Variants in LOC400499 observed in about 807,000 individuals in gnomAD.
At chr16:11,399,338 CA>C in the LOC400499 span, 1 of 1,013,082 alleles carries the variant, frequency 9.9e-7, no homozygotes, top group African/African-American at 1.7e-5. Context: ...CTAAGGCTCA[CA>C]GCAGAGAAGT....
chr16:11,415,578 C>A, the LOC400499 span, among the ~76,000 whole-genome samples: 1 of 152,212 alleles, frequency 6.6e-6, no homozygotes, highest in East Asian at 1.9e-4. Flanking sequence ...CATTCAGCCA[C>A]ATGTACCTAC....
At chr16:11,486,461 A>G in the LOC400499 span, among the ~76,000 whole-genome samples, 3 of 137,348 alleles carry the variant, frequency 2.2e-5, no homozygotes, top group Non-Finnish European at 4.6e-5. Flanking sequence ...GTACATGGGT[A>G]GACAGATGAT....
At chr16:11,477,907 G>A in the LOC400499 span, 5 of 398,908 alleles carry the variant, frequency 1.3e-5, no homozygotes, top group Non-Finnish European at 2.2e-5. Context: ...TGGCAGCCGA[G>A]GCATTTAGGG....
chr16:11,471,654 C>T, the LOC400499 span: 1 of 399,114 alleles, frequency 2.5e-6, no homozygotes. Flanking sequence ...TAGGGCCCAC[C>T]TGGGGCTGCA....
chr16:11,519,583 TAAATAA>T, the LOC400499 span, among the ~76,000 whole-genome samples: 1 of 151,958 alleles, frequency 6.6e-6, no homozygotes, highest in African/African-American at 2.4e-5. Context: ...TTTTTTAAAA[TAAATAA>T]ACAATAATTT....
At chr16:11,448,735 A>T in the LOC400499 span, among the ~76,000 whole-genome samples, 2 of 152,136 alleles carry the variant, frequency 1.3e-5, no homozygotes, top group African/African-American at 4.8e-5. Context: ...AAAATATATA[A>T]GAAAAGAAGG....
chr16:11,426,819 A>G, the LOC400499 span, among the ~76,000 whole-genome samples: 1 of 145,708 alleles, frequency 6.9e-6, no homozygotes, highest in Non-Finnish European at 1.5e-5. Context: ...GCTACTTGGG[A>G]GGCTAAGGCA....
the LOC400499 span, chr16:11,448,862 A>C: frequency 7.5e-7 from 1 of 1,326,256 alleles, no homozygotes; most frequent in East Asian, 2.6e-5. Flanking sequence ...GAGAGGTAGG[A>C]AACCGAGGTG....
chr16:11,384,269 A>ACAT, the LOC400499 span: 1 of 1,232,360 alleles, frequency 8.1e-7, no homozygotes, highest in Non-Finnish European at 1.0e-6. Context: ...CCATCCGGCA[A>ACAT]CATCAGCTCA....
the LOC400499 span, among the ~76,000 whole-genome samples, chr16:11,503,398 A>G: frequency 0.057 from 8,693 of 152,226 alleles, 353 homozygotes; most frequent in Non-Finnish European, 0.088. Flanking sequence ...GTACCCCTGA[A>G]GTCTCAGGCT....
At chr16:11,471,808 G>A in the LOC400499 span, 2 of 399,104 alleles carry the variant, frequency 5.0e-6, no homozygotes, top group Admixed American at 8.8e-5. Context: ...CCAGCCCCAG[G>A]TGTAGGACAC....
At chr16:11,400,135 T>C in the LOC400499 span, among the ~76,000 whole-genome samples, 528 of 151,432 alleles carry the variant, frequency 3.5e-3, 1 homozygote, top group African/African-American at 0.012. Context: ...TGCTCCTCAC[T>C]GGGGCCTCCA....
chr16:11,404,579 T>G, the LOC400499 span: 1 of 394,612 alleles, frequency 2.5e-6, no homozygotes, highest in Non-Finnish European at 4.5e-6. Context: ...ACTCCTGACC[T>G]CGAGTGATCT....
the LOC400499 span, among the ~76,000 whole-genome samples, chr16:11,446,137 T>TACC: frequency 6.6e-6 from 1 of 150,944 alleles, no homozygotes; most frequent in South Asian, 2.1e-4. Context: ...GAGAACTTTT[T>TACC]TGTGTGTGAG....
chr16:11,445,399 C>A, the LOC400499 span, among the ~76,000 whole-genome samples: 1 of 150,648 alleles, frequency 6.6e-6, no homozygotes, highest in Non-Finnish European at 1.5e-5. Context: ...CCGGCTTGAG[C>A]GACAGAGTGA....
At chr16:11,387,816 GT>G in the LOC400499 span, among the ~76,000 whole-genome samples, 1 of 152,040 alleles carries the variant, frequency 6.6e-6, no homozygotes, top group Non-Finnish European at 1.5e-5. Flanking sequence ...TAGAGTTGGA[GT>G]TTCACCACAT....
chr16:11,514,340 C>A, the LOC400499 span: 1 of 399,268 alleles, frequency 2.5e-6, no homozygotes. Context: ...GGGTGGCCAC[C>A]AGGGAAGGCT....
At chr16:11,489,254 C>A in the LOC400499 span, among the ~76,000 whole-genome samples, 1 of 152,206 alleles carries the variant, frequency 6.6e-6, no homozygotes, top group Non-Finnish European at 1.5e-5. Context: ...GACCTGATTT[C>A]AAATCCTAGT....
chr16:11,391,781 C>A, the LOC400499 span: 4 of 1,232,140 alleles, frequency 3.2e-6, no homozygotes, highest in Non-Finnish European at 4.0e-6. Context: ...CCCAACCACT[C>A]GCCTGCATGG....
Sources: gnomAD v4.1 joint callset for allele counts (sites outside exome capture counted in the v4.1 genomes callset) on GRCh38, gnomAD v4.1.1 for gene constraint, MANE v1.5 for transcripts.